CTXND1: variants seen among roughly 807,000 people sequenced by gnomAD.
The protein encoded by CTXND1 is cortexin domain-containing 1 protein.
chr15:80,216,764 G>A lies in CTXND1; in HGVS notation c.-217-13024C>T, dbSNP rs186994987. On this transcript the variant is annotated intron_variant, in intron 1 of 2. Coordinates refer to ENST00000560778, the MANE Select transcript of CTXND1 (RefSeq NM_001352888.2). Reference sequence around the variant, plus strand: ...TGAGTAGCTGGGACTACAGGGGCACGCCACCATGCCCAGCTAATTTTTGTA... The same window carrying A: ...TGAGTAGCTGGGACTACAGGGGCACACCACCATGCCCAGCTAATTTTTGTA... Among the ~76,000 whole-genome samples, 929 of 152,108 alleles carry A rather than the reference G, an allele frequency of 6.1e-3. 8 individuals are homozygous for A. Among genetic ancestry groups the A allele is most frequent in the Middle Eastern group, 0.017 (5 of 294 alleles).
intron 1 of CTXND1, among the ~76,000 whole-genome samples, chr15:80,230,699 T>C (rs1893418193): frequency 6.6e-6 from 1 of 152,184 alleles, no homozygotes; most frequent in African/African-American, 2.4e-5. Context: ...CTTTAAGTAG[T>C]GTTTTGGCTG....
At chr15:80,250,694 C>T (rs896870259) in intron 1 of CTXND1, among the ~76,000 whole-genome samples, 1 of 152,202 alleles carries the variant, frequency 6.6e-6, no homozygotes, top group Non-Finnish European at 1.5e-5. Flanking sequence ...TTTTGCTTTT[C>T]CTCCGTAATG....
intron 1 of CTXND1, among the ~76,000 whole-genome samples, chr15:80,208,968 A>G (rs1037942074): frequency 6.6e-6 from 1 of 152,232 alleles, no homozygotes; most frequent in Non-Finnish European, 1.5e-5. Flanking sequence ...GTTTCACAGC[A>G]GGACTCAGCC....
rs1595902321 is a variant in CTXND1, at chr15:80,200,996, A to T, written c.*774T>A. 6.6e-6 allele frequency: 1 copy of T among 152,324 alleles called. No individual in the cohort carries two copies. The highest frequency in any genetic ancestry group is 2.1e-4 in the South Asian group (1 of 4,820). 9.4% of individuals were successfully genotyped at this position (152,324 alleles called of 1,614,324 possible). Reference sequence around the variant, plus strand: ...TCCTGCTATCATATGAGGCGATACAACATCATGCACAGAGTATGAATTTGA... The same window carrying T: ...TCCTGCTATCATATGAGGCGATACATCATCATGCACAGAGTATGAATTTGA... On this transcript the variant is annotated 3_prime_UTR_variant, in exon 3 of 3. Coordinates refer to ENST00000560778, the MANE Select transcript of CTXND1 (RefSeq NM_001352888.2).
At chr15:80,212,875 G>A (rs1001981196) in intron 1 of CTXND1, among the ~76,000 whole-genome samples, 5 of 152,130 alleles carry the variant, frequency 3.3e-5, no homozygotes, top group Non-Finnish European at 5.9e-5. Context: ...TACCCTTCAG[G>A]AAAAAAGGGA....
chr15:80,220,909 A>T (rs996967934), intron 1 of CTXND1, among the ~76,000 whole-genome samples: 75 of 141,228 alleles, frequency 5.3e-4, no homozygotes, highest in Admixed American at 3.5e-4. Context: ...TATTATTATT[A>T]TTATTTTTTT....
intron 1 of CTXND1, among the ~76,000 whole-genome samples, chr15:80,220,146 CATCT>C (rs1555444755): frequency 0.29 from 30,120 of 104,320 alleles, 3,413 homozygotes; most frequent in East Asian, 0.41. Flanking sequence ...ATCTATCTAT[CATCT>C]ATCTATCTAT....
chr15:80,225,777 C>G (rs2142132461), intron 1 of CTXND1, among the ~76,000 whole-genome samples: 1 of 152,292 alleles, frequency 6.6e-6, no homozygotes, highest in Middle Eastern at 3.4e-3. Context: ...AGAATTTAAT[C>G]TTTCCCTCTG....
At chr15:80,226,174 TGTA>T (rs1346271786) in intron 1 of CTXND1, among the ~76,000 whole-genome samples, 1 of 152,156 alleles carries the variant, frequency 6.6e-6, no homozygotes, top group Non-Finnish European at 1.5e-5. Context: ...ATTGTCCAGT[TGTA>T]GTCAGTAAAA....
At chr15:80,237,453 C>T (rs1893515368) in intron 1 of CTXND1, among the ~76,000 whole-genome samples, 2 of 152,018 alleles carry the variant, frequency 1.3e-5, no homozygotes, top group East Asian at 3.8e-4. Context: ...GAGATGGCAG[C>T]TCCATGTGTG....
At chr15:80,214,827 C>A (rs1323271323) in intron 1 of CTXND1, among the ~76,000 whole-genome samples, 1 of 152,070 alleles carries the variant, frequency 6.6e-6, no homozygotes, top group African/African-American at 2.4e-5. Context: ...TAAAAATAAA[C>A]CCTAGAGCAA....
chr15:80,239,864 TA>T lies in CTXND1; in HGVS notation c.-218+12142del, dbSNP rs201228910. ...TGGTATTTTTATCTTGTTTGACTGT[TA>T]AAAAAAATTAAGTCTTTTTTATTAT... On this transcript the variant is annotated intron_variant, in intron 1 of 2. Coordinates refer to ENST00000560778, the MANE Select transcript of CTXND1 (RefSeq NM_001352888.2). Among the ~76,000 whole-genome samples, 327 of 152,232 alleles carry T rather than the reference TA, an allele frequency of 2.1e-3. 1 individual carries two copies. Among genetic ancestry groups the T allele is most frequent in the African/African-American group, 7.5e-3 (312 of 41,532 alleles).
intron 1 of CTXND1, among the ~76,000 whole-genome samples, chr15:80,242,907 T>C (rs914849242): frequency 1.3e-5 from 2 of 152,126 alleles, no homozygotes; most frequent in African/African-American, 4.8e-5. Flanking sequence ...GGCATCTGAT[T>C]TTACCATCTC....
In CTXND1 at chr15:80,215,535, A is replaced by G. The variant is rs142769148; in HGVS notation, c.-217-11795T>C. On this transcript the variant is annotated intron_variant, in intron 1 of 2. Transcript: ENST00000560778. ...GGAAGTCTATTCCAGTCCCTGCCACAGTGGCTCTGCATGGGTGGTCCTTCA... is the reference window on the plus strand; with the variant it reads ...GGAAGTCTATTCCAGTCCCTGCCACGGTGGCTCTGCATGGGTGGTCCTTCA... Among the ~76,000 whole-genome samples, 223 of 152,274 alleles carry G rather than the reference A, an allele frequency of 1.5e-3. 1 individual carries two copies. The highest frequency in any genetic ancestry group is 5.1e-3 in the African/African-American group (210 of 41,554).
intron 1 of CTXND1, among the ~76,000 whole-genome samples, chr15:80,248,767 T>C (rs1296190258): frequency 6.6e-6 from 1 of 152,158 alleles, no homozygotes; most frequent in African/African-American, 2.4e-5. Flanking sequence ...CAGCTATTAA[T>C]AATATCAGCC....
chr15:80,239,651 G>A (rs890058131), intron 1 of CTXND1, among the ~76,000 whole-genome samples: 2 of 152,262 alleles, frequency 1.3e-5, no homozygotes, highest in South Asian at 2.1e-4. Context: ...TTATGATTGT[G>A]TAAGTTAATA....
chr15:80,227,685 C>A (rs1184103109), intron 1 of CTXND1, among the ~76,000 whole-genome samples: 1 of 152,108 alleles, frequency 6.6e-6, no homozygotes, highest in South Asian at 2.1e-4. Flanking sequence ...AACTTACATA[C>A]CTTAATTAAA....
chr15:80,251,252 C>T lies in CTXND1; in HGVS notation c.-218+755G>A, dbSNP rs565264631. Among the ~76,000 whole-genome samples, 263 of 152,318 alleles carry T rather than the reference C, an allele frequency of 1.7e-3. 1 individual carries two copies. The highest frequency in any genetic ancestry group is 3.3e-3 in the Non-Finnish European group (226 of 68,030). ...AACTTTTGCTGCGGGCACGGAGACT[C>T]TTACCAAATTCGGCTCCATAATACA... On this transcript the variant is annotated intron_variant, in intron 1 of 2. Coordinates refer to ENST00000560778, the MANE Select transcript of CTXND1 (RefSeq NM_001352888.2).
At chr15:80,231,596 C>G (rs932698120) in intron 1 of CTXND1, among the ~76,000 whole-genome samples, 3 of 151,996 alleles carry the variant, frequency 2.0e-5, no homozygotes, top group Non-Finnish European at 4.4e-5. Flanking sequence ...AAATAGCTGG[C>G]TTGCAAGGCT....
Sources: gnomAD v4.1 joint callset for allele counts (sites outside exome capture counted in the v4.1 genomes callset) on GRCh38, gnomAD v4.1.1 for gene constraint, MANE v1.5 for transcripts, NCBI Gene and HGNC (gene_info 2026-07-23, HGNC 2026-07-21) for gene names.